The following WNT4 variants were observed in gnomAD, a reference collection of about 807,000 sequenced individuals.
WNT4 encodes protein Wnt-4.
Under a neutral mutation model 34.5 loss-of-function variants are expected in WNT4, and 16 were observed. That is an observed-to-expected ratio of 0.46 (90% CI 0.31 to 0.70). WNT4 has a LOEUF of 0.70. WNT4 is among the 30% of genes least tolerant of loss of function. The pLI, the probability that WNT4 is intolerant of heterozygous loss-of-function variation, is 0.04. For missense variants in WNT4, 379 were observed against 495.9 expected, an observed-to-expected ratio of 0.76 and a Z score of 2.24; for synonymous variants, 200 against 211.9, an observed-to-expected ratio of 0.94 and a Z score of 0.49.
rs1175113540 is a variant in WNT4 at position 22,120,008 on chromosome 1, C to T, written c.*42G>A. On this transcript the variant is annotated 3_prime_UTR_variant, in exon 5 of 5. Coordinates refer to ENST00000290167, the MANE Select transcript of WNT4 (RefSeq NM_030761.5). ...AGACTGTTTAAATTATCGGCCTTCC[C>T]TGGGCCACTAGGTGGTTGCCGGCGC... The T allele has an allele frequency of 1.9e-6, 3 of 1,596,426 alleles. No homozygotes were observed. Among genetic ancestry groups the T allele is most frequent in the Admixed American group, 1.7e-5 (1 of 59,904 alleles).
intron 1 of WNT4, among the ~76,000 whole-genome samples, chr1:22,141,275 T>A (rs996315078): frequency 6.6e-6 from 1 of 152,092 alleles, no homozygotes; most frequent in African/African-American, 2.4e-5. Flanking sequence ...TTGTTTTTTG[T>A]TTGTTTGTTT....
chr1:22,134,099 G>A lies in WNT4; in HGVS notation c.78-4248C>T, dbSNP rs12077643. Among the ~76,000 whole-genome samples, 3,639 of 152,358 alleles carry A rather than the reference G, an allele frequency of 0.024. 150 individuals are homozygous for A. Among genetic ancestry groups the A allele is most frequent in the African/African-American group, 0.081 (3,376 of 41,584 alleles). ...TTGGGAGGCCAAGCAGATCAGTGTC[G>A]TGGGTCCCGGCCCTGCGGGTGTCCA... On this transcript the variant is annotated intron_variant, in intron 1 of 4. Transcript: ENST00000290167. This position sits in a 1 kb window ranked among gnomAD's most constrained non-coding sequence, Gnocchi z 4.1.
In WNT4 at chr1:22,139,181, G is replaced by A. The variant is rs1646045983; in HGVS notation, c.77+3665C>T. On this transcript the variant is annotated intron_variant, in intron 1 of 4. Transcript: ENST00000290167. The surrounding 1 kb of genome is among the most constrained non-coding windows in gnomAD (Gnocchi z 4.6). ...CAGGGCTTGGGAGCAGCAGCCTGAAGGCCCGTTTTCTCCACCACCCCTATC... is the reference window on the plus strand; with the variant it reads ...CAGGGCTTGGGAGCAGCAGCCTGAAAGCCCGTTTTCTCCACCACCCCTATC... Among the ~76,000 whole-genome samples the A allele has an allele frequency of 6.6e-6, 1 of 152,196 alleles. No individual in the cohort carries two copies. Among genetic ancestry groups the A allele is most frequent in the Non-Finnish European group, 1.5e-5 (1 of 68,022 alleles).
In WNT4 at chr1:22,142,095, C is replaced by T. The variant is rs555780707; in HGVS notation, c.77+751G>A. Among the ~76,000 whole-genome samples the T allele has an allele frequency of 2.0e-5, 3 of 152,314 alleles. No individual in the cohort carries two copies. The highest frequency in any genetic ancestry group is 4.4e-5 in the Non-Finnish European group (3 of 68,026). On this transcript the variant is annotated intron_variant, in intron 1 of 4. Coordinates refer to ENST00000290167, the MANE Select transcript of WNT4 (RefSeq NM_030761.5). This position sits in a 1 kb window ranked among gnomAD's most constrained non-coding sequence, Gnocchi z 6.0. Reference sequence around the variant, plus strand: ...CCCTCCCTGCAGCAAACCTTCCGCCCCTACCCAGGGAGCGCCCTGAGCGCA... The same window carrying T: ...CCCTCCCTGCAGCAAACCTTCCGCCTCTACCCAGGGAGCGCCCTGAGCGCA...
At position 22,134,119 on chromosome 1, in the gene WNT4, T is replaced by A. The variant is rs1336441988; in HGVS notation, c.78-4268A>T. Reference sequence around the variant, plus strand: ...GTGTCGTGGGTCCCGGCCCTGCGGGTGTCCAGGTGGGGGCTGGGACGCCAG... The same window carrying A: ...GTGTCGTGGGTCCCGGCCCTGCGGGAGTCCAGGTGGGGGCTGGGACGCCAG... On this transcript the variant is annotated intron_variant, in intron 1 of 4. Transcript: ENST00000290167. The surrounding 1 kb of genome is among the most constrained non-coding windows in gnomAD (Gnocchi z 4.1). Among the ~76,000 whole-genome samples the A allele has an allele frequency of 1.3e-5, 2 of 152,124 alleles. No homozygotes were observed. Among genetic ancestry groups the A allele is most frequent in the African/African-American group, 2.4e-5 (1 of 41,434 alleles).
At chr1:22,127,572 G>A (rs1023634742) in intron 2 of WNT4, 6 of 442,264 alleles carry the variant, frequency 1.4e-5, no homozygotes, top group Non-Finnish European at 2.4e-5. Flanking sequence ...GAGGAGATAC[G>A]CATTTCAATC....
chr1:22,138,511 C>T (rs1646040513), intron 1 of WNT4, among the ~76,000 whole-genome samples: 1 of 152,128 alleles, frequency 6.6e-6, no homozygotes, highest in African/African-American at 2.4e-5. Context: ...TGCTAAGTAT[C>T]CCGCAATGCA....
chr1:22,125,149 G>A (rs556019332), intron 2 of WNT4, among the ~76,000 whole-genome samples: 11 of 152,250 alleles, frequency 7.2e-5, no homozygotes, highest in African/African-American at 2.6e-4. Context: ...GAGTGTTCTC[G>A]ACTCTAACAT....
Position 22,117,318 on chromosome 1 carries a change from A to T in WNT4, c.*2732T>A, listed in dbSNP as rs1645857790. 6.6e-6 allele frequency: 1 copy of T among 152,242 alleles called. No homozygotes were observed. Among genetic ancestry groups the T allele is most frequent in the Non-Finnish European group, 1.5e-5 (1 of 68,038 alleles). The allele number at this position is 152,242 out of a possible 1,614,324, so 9.4% of individuals were successfully genotyped here. A position where few individuals can be genotyped will look rare whatever the true frequency, so the allele number is the denominator to read the frequency against. ...TCACTGTCACAATTGCAAGATAAAG[A>T]AATAATTGTTTTATCGTGCATCAGA... On this transcript the variant is annotated 3_prime_UTR_variant, in exon 5 of 5. Coordinates refer to ENST00000290167, the MANE Select transcript of WNT4 (RefSeq NM_030761.5).
At position 22,118,411 on chromosome 1, in the gene WNT4, T is replaced by TGGGTCAAG. The variant is rs1645865476; in HGVS notation, c.*1631_*1638dup. 2 of 152,216 alleles carry TGGGTCAAG rather than the reference T, an allele frequency of 1.3e-5. No homozygotes were observed. The highest frequency in any genetic ancestry group is 2.9e-5 in the Non-Finnish European group (2 of 68,044). 9.4% of individuals were successfully genotyped at this position (152,216 alleles called of 1,614,324 possible). On this transcript the variant is annotated 3_prime_UTR_variant, in exon 5 of 5. Coordinates refer to ENST00000290167, the MANE Select transcript of WNT4 (RefSeq NM_030761.5). The stretch of plus-strand genomic sequence containing the variant: ...ATTGGGAGCCCATCTGAGAAGCAGA[T>TGGGTCAAG]GGGTCAAGGGCAAGGTCTTGATCCA...
intron 2 of WNT4, chr1:22,127,613 A>T: frequency 2.6e-6 from 1 of 377,878 alleles, no homozygotes; most frequent in African/African-American, 2.1e-5. Context: ...GTGTGAACAC[A>T]AATGGCTTAG....
At chr1:22,141,600 T>C (rs1260465017) in intron 1 of WNT4, among the ~76,000 whole-genome samples, 1 of 152,212 alleles carries the variant, frequency 6.6e-6, no homozygotes, top group Non-Finnish European at 1.5e-5. Context: ...CACTTCGGGC[T>C]GCCTTGGAGT....
Position 22,136,227 on chromosome 1 carries a change from G to T in WNT4, c.78-6376C>A, listed in dbSNP as rs553451371. Among the ~76,000 whole-genome samples, 111 of 152,232 alleles carry T rather than the reference G, an allele frequency of 7.3e-4. 1 individual carries two copies. The highest frequency in any genetic ancestry group is 1.3e-4 in the Non-Finnish European group (9 of 68,008). On this transcript the variant is annotated intron_variant, in intron 1 of 4. Transcript: ENST00000290167. Reference sequence around the variant, plus strand: ...CTTCTCTCCCTGAGGCAGGTGTGTTGTTGGGGGGAGTGGGTATCAAATTTA... The same window carrying T: ...CTTCTCTCCCTGAGGCAGGTGTGTTTTTGGGGGGAGTGGGTATCAAATTTA...
At chr1:22,132,151 A>G (rs1050141681) in intron 1 of WNT4, among the ~76,000 whole-genome samples, 1 of 151,270 alleles carries the variant, frequency 6.6e-6, no homozygotes, top group Non-Finnish European at 1.5e-5. Flanking sequence ...CGGTGGGGGG[A>G]CAAGGAATTG....
rs574233037 is a variant in WNT4 at position 22,129,827 on chromosome 1, C to T, written c.102G>A (p.Val34=). 1 of 1,613,960 alleles carries T rather than the reference C, an allele frequency of 6.2e-7. No homozygotes were observed. The highest frequency in any genetic ancestry group is 8.5e-7 in the Non-Finnish European group (1 of 1,180,044). The change falls in exon 2 of 5, where the codon GTG becomes GTA. Residue 34 remains valine (V), a synonymous_variant. Transcript: ENST00000290167. ...ACGTCTCCTCCTCTGAGATGCTCCC[C>T]ACCGACGACAGCTTGGCCAGGTACC... The part of the protein sequence containing the change: ...NWLYLAKLSS[V]GSISEEETCE...
rs1646075873 is a variant in WNT4 at position 22,142,338 on chromosome 1, C to A, written c.77+508G>T. Among the ~76,000 whole-genome samples, 1 of 152,122 alleles carries A rather than the reference C, an allele frequency of 6.6e-6. No individual in the cohort carries two copies. Among genetic ancestry groups the A allele is most frequent in the African/African-American group, 2.4e-5 (1 of 41,446 alleles). ...CTTCCTTCTGTCTCCGGCTCCCGCCCCCCAAGCAGAAACAGGTCCCTGCAC... is the reference window on the plus strand; with the variant it reads ...CTTCCTTCTGTCTCCGGCTCCCGCCACCCAAGCAGAAACAGGTCCCTGCAC... On this transcript the variant is annotated intron_variant, in intron 1 of 4. Transcript: ENST00000290167. The surrounding 1 kb of genome is among the most constrained non-coding windows in gnomAD (Gnocchi z 6.0).
At chr1:22,129,422 ATCCCACCT>A (rs1645965192) in intron 2 of WNT4, among the ~76,000 whole-genome samples, 186 bp downstream of exon 2, 1 of 152,110 alleles carries the variant, frequency 6.6e-6, no homozygotes, top group Non-Finnish European at 1.5e-5. Flanking sequence ...CCACACATAC[ATCCCACCT>A]GGATCATCCT....
chr1:22,138,719 AAG>A lies in WNT4; in HGVS notation c.77+4125_77+4126del, dbSNP rs551192807. ...GAGGGATCTTTTAAAGCTGGGAATC[AAG>A]GGCACACTTCCTGGAGGAGGTGGGC... On this transcript the variant is annotated intron_variant, in intron 1 of 4. Coordinates refer to ENST00000290167, the MANE Select transcript of WNT4 (RefSeq NM_030761.5). Among the ~76,000 whole-genome samples the A allele has an allele frequency of 1.6e-3, 245 of 152,284 alleles. 3 individuals are homozygous for A. Among genetic ancestry groups the A allele is most frequent in the African/African-American group, 5.5e-3 (230 of 41,542 alleles).
chr1:22,125,396 A>AT (rs1456955485), intron 2 of WNT4, among the ~76,000 whole-genome samples: 1 of 152,132 alleles, frequency 6.6e-6, no homozygotes, highest in East Asian at 1.9e-4. Flanking sequence ...GGAGAAAATA[A>AT]TGTTCTCCCC....
Sources: allele counts gnomAD v4.1 joint callset (sites outside exome capture counted in the v4.1 genomes callset), GRCh38; gene constraint gnomAD v4.1.1; non-coding constraint Gnocchi (gnomAD v3.1); transcripts MANE v1.5; gene names NCBI Gene and HGNC (gene_info 2026-07-23, HGNC 2026-07-21).